TAF3: variants seen among roughly 807,000 people sequenced by gnomAD.
TAF3 encodes the protein TATA-box binding protein associated factor 3, also known as transcription initiation factor TFIID subunit 3.
A neutral mutation model predicts 80.6 loss-of-function variants in TAF3; 7 were observed. The ratio of observed to expected loss-of-function variants is 0.09; its 90% CI spans 0.05 to 0.16. The LOEUF (loss-of-function observed/expected upper bound fraction) is 0.16, where lower values mean the gene tolerates loss of function less well. Among genes scored for constraint, TAF3 ranks in the 10% least tolerant of loss-of-function variants. The pLI is 1.00. For synonymous variants in TAF3, 444 were observed against 446.1 expected, an observed-to-expected ratio of 1.00 and a Z score of 0.06; for missense variants, 921 against 1,140.2, an observed-to-expected ratio of 0.81 and a Z score of 2.77.
intron 3 of TAF3, among the ~76,000 whole-genome samples, chr10:7,965,981 G>C (rs566042964): frequency 2.0e-5 from 3 of 152,022 alleles, no homozygotes; most frequent in Non-Finnish European, 4.4e-5. Context: ...TCTAATCACA[G>C]ACTATAAACT....
intron 2 of TAF3, among the ~76,000 whole-genome samples, chr10:7,876,909 T>G (rs1837317500): frequency 2.0e-5 from 3 of 152,218 alleles, no homozygotes; most frequent in African/African-American, 7.2e-5. Flanking sequence ...GACCTATCAC[T>G]TGTACTTTGA....
chr10:7,833,356 C>T (rs1310508417), intron 2 of TAF3, among the ~76,000 whole-genome samples: 1 of 152,222 alleles, frequency 6.6e-6, no homozygotes, highest in African/African-American at 2.4e-5. Context: ...CACATCCCTG[C>T]TAACACTTGT....
chr10:7,846,884 A>G (rs1021018689), intron 2 of TAF3, among the ~76,000 whole-genome samples: 2 of 152,248 alleles, frequency 1.3e-5, no homozygotes, highest in Non-Finnish European at 2.9e-5. Flanking sequence ...ATGATACAAT[A>G]GTGAAATAGA....
At chr10:7,905,574 A>G (rs185050998) in intron 2 of TAF3, among the ~76,000 whole-genome samples, 25 of 152,260 alleles carry the variant, frequency 1.6e-4, no homozygotes, top group Admixed American at 2.6e-4. Context: ...TTGCAAAGCA[A>G]TATACTCCTT....
intron 3 of TAF3, among the ~76,000 whole-genome samples, chr10:7,969,290 G>C (rs1364161022): frequency 6.6e-6 from 1 of 151,614 alleles, no homozygotes; most frequent in Admixed American, 6.6e-5. Flanking sequence ...GTGAGACCCT[G>C]TCTTAAAAAA....
At chr10:7,831,564 T>G (rs1836800647) in intron 2 of TAF3, among the ~76,000 whole-genome samples, 1 of 152,218 alleles carries the variant, frequency 6.6e-6, no homozygotes, top group Admixed American at 6.5e-5. Context: ...CAGGCTGGTC[T>G]TGATCTCCTG....
chr10:7,884,596 C>T (rs189410706), intron 2 of TAF3, among the ~76,000 whole-genome samples: 5 of 152,060 alleles, frequency 3.3e-5, no homozygotes, highest in Non-Finnish European at 5.9e-5. Context: ...TCGTGTTGGC[C>T]GGGCTGGTCT....
chr10:7,847,918 C>T (rs1226515849), intron 2 of TAF3, among the ~76,000 whole-genome samples: 2 of 152,062 alleles, frequency 1.3e-5, no homozygotes, highest in African/African-American at 4.8e-5. Context: ...TACAGGCACC[C>T]ATCACCACAC....
intron 2 of TAF3, among the ~76,000 whole-genome samples, chr10:7,907,060 C>T (rs1004040107): frequency 6.6e-6 from 1 of 152,080 alleles, no homozygotes; most frequent in Admixed American, 6.5e-5. Flanking sequence ...TTCGTAGGGC[C>T]ACCTGGCTTA....
intron 2 of TAF3, among the ~76,000 whole-genome samples, chr10:7,920,203 G>A (rs1837749040): frequency 6.6e-6 from 1 of 152,068 alleles, no homozygotes; most frequent in African/African-American, 2.4e-5. Context: ...CAAGTGAGAT[G>A]TGATCACACC....
intron 4 of TAF3, among the ~76,000 whole-genome samples, chr10:7,984,055 G>C (rs1026430668): frequency 6.6e-6 from 1 of 152,060 alleles, no homozygotes; most frequent in Non-Finnish European, 1.5e-5. Context: ...CTGCAACAAA[G>C]GTTGTGAGTT....
chr10:7,854,516 A>G (rs948287238), intron 2 of TAF3, among the ~76,000 whole-genome samples: 1 of 152,196 alleles, frequency 6.6e-6, no homozygotes, highest in Admixed American at 6.5e-5. Context: ...TGAGTATAAT[A>G]TGGATTCAGA....
chr10:7,923,751 C>A (rs1167467615), intron 2 of TAF3, among the ~76,000 whole-genome samples: 1 of 151,758 alleles, frequency 6.6e-6, no homozygotes, highest in Admixed American at 6.6e-5. Flanking sequence ...TTTTGGATAA[C>A]TATACAAATA....
chr10:7,919,990 A>G (rs917308693), intron 2 of TAF3, among the ~76,000 whole-genome samples: 1 of 152,148 alleles, frequency 6.6e-6, no homozygotes, highest in Non-Finnish European at 1.5e-5. Flanking sequence ...TCATGCTGGT[A>G]ATCCCAGTGT....
At chr10:7,876,423 G>A (rs1331501992) in intron 2 of TAF3, among the ~76,000 whole-genome samples, 10 of 152,158 alleles carry the variant, frequency 6.6e-5, no homozygotes, top group Non-Finnish European at 2.9e-5. Context: ...CCATAAGCAG[G>A]TATTTTAAAG....
chr10:7,968,576 AGT>A (rs1831594239), intron 3 of TAF3, among the ~76,000 whole-genome samples: 1 of 152,240 alleles, frequency 6.6e-6, no homozygotes, highest in Non-Finnish European at 1.5e-5. Flanking sequence ...CATAGTTAAC[AGT>A]GAGTAATTAC....
chr10:7,977,341 G>T lies in TAF3; in HGVS notation c.2315+18G>T, dbSNP rs1388070006. The T allele has an allele frequency of 1.9e-6, 3 of 1,611,556 alleles. No homozygotes were observed. In the African/African-American group the frequency reaches 4.0e-5, roughly 22 times the overall value. ...GACAAGATGTAAGTATAAACGTTTT[G>T]AATCAGGGTGAAACAAATGAAATTT... On this transcript the variant is annotated intron_variant, in intron 4 of 6. Coordinates refer to ENST00000344293, the MANE Select transcript of TAF3 (RefSeq NM_031923.4).
chr10:7,944,559 G>C (rs1053852268), intron 2 of TAF3, among the ~76,000 whole-genome samples: 2 of 152,186 alleles, frequency 1.3e-5, no homozygotes, highest in African/African-American at 4.8e-5. Context: ...GTCTGAGATA[G>C]AGCAGGAGTG....
At chr10:7,974,650 G>C (rs1028942465) in intron 3 of TAF3, among the ~76,000 whole-genome samples, 8 of 152,098 alleles carry the variant, frequency 5.3e-5, no homozygotes, top group Non-Finnish European at 1.2e-4. Context: ...TGAGGACATT[G>C]GCAAGGGTTG....
Sources: gnomAD v4.1 joint callset for allele counts (sites outside exome capture counted in the v4.1 genomes callset) on GRCh38, gnomAD v4.1.1 for gene constraint, MANE v1.5 for transcripts, NCBI Gene and HGNC (gene_info 2026-07-23, HGNC 2026-07-21) for gene names.